SSPN: variants seen among roughly 807,000 people sequenced by gnomAD.
SSPN encodes the protein K-ras oncogene-associated protein.
SSPN carries 15 observed loss-of-function variants against 19.1 expected under a neutral mutation model. The observed-to-expected ratio is 0.78, with a 90% CI of 0.52 to 1.21. The LOEUF (loss-of-function observed/expected upper bound fraction) is 1.21. SSPN is among the 50% of genes most tolerant of loss of function. The probability of loss-of-function intolerance (pLI) is 0.00; values close to 1 mark genes in which losing one functional copy is unlikely to be tolerated. For missense variants in SSPN, 291 were observed against 314.0 expected (o/e 0.93, Z 0.55); for synonymous variants, 147 against 140.3 (o/e 1.05, Z -0.34).
chr12:26,228,918 G>C (rs1460075383), intron 2 of SSPN, among the ~76,000 whole-genome samples: 2 of 152,134 alleles, frequency 1.3e-5, no homozygotes, highest in Non-Finnish European at 2.9e-5. Flanking sequence ...GGCTGAGGTG[G>C]GAGGATCACT....
chr12:26,218,328 G>A (rs1173470814), intron 1 of SSPN, among the ~76,000 whole-genome samples: 2 of 8,886 alleles, frequency 2.3e-4, no homozygotes, highest in African/African-American at 8.0e-4. Context: ...GGGGTGGGGG[G>A]AGGGGGGAGG....
At chr12:26,181,451 A>T (rs772657561) in intron 1 of SSPN, among the ~76,000 whole-genome samples, 1 of 152,222 alleles carries the variant, frequency 6.6e-6, no homozygotes, top group African/African-American at 2.4e-5. Context: ...TCTTATTTTT[A>T]AGAACATGTA....
intron 2 of SSPN, among the ~76,000 whole-genome samples, chr12:26,230,508 T>C (rs549454761): frequency 5.6e-4 from 86 of 152,312 alleles, no homozygotes; most frequent in Non-Finnish European, 1.1e-3. Context: ...AGTGAAAATG[T>C]GATCAGGGTT....
chr12:26,150,496 G>A (rs955864946), intron 1 of SSPN, among the ~76,000 whole-genome samples: 1 of 152,128 alleles, frequency 6.6e-6, no homozygotes, highest in East Asian at 1.9e-4. Context: ...TCTTTGTCCT[G>A]TACATACAAT....
intron 1 of SSPN, among the ~76,000 whole-genome samples, chr12:26,133,065 T>C (rs1402154969): frequency 3.9e-5 from 6 of 152,196 alleles, no homozygotes; most frequent in African/African-American, 1.4e-4. Context: ...CAATGACCCA[T>C]AACCTCCAAC....
At chr12:26,133,697 A>AAGCT (rs1944409042) in intron 1 of SSPN, among the ~76,000 whole-genome samples, 1 of 152,226 alleles carries the variant, frequency 6.6e-6, no homozygotes, top group Non-Finnish European at 1.5e-5. Context: ...GCTTGTCCAG[A>AAGCT]AGCTACTGTA....
Position 26,195,642 on chromosome 12 carries a change from C to CGGGGGGGGG in SSPN, c.-31_-30insGGGGGGGGG. On this transcript the variant is annotated 5_prime_UTR_variant, in exon 1 of 3. Transcript: ENST00000242729. Reference sequence around the variant, plus strand: ...TCCAGGGCCCAGGGCGCCGCACACGCACCCACCCACCCACCCAGCCTCGCA... The same window carrying CGGGGGGGGG: ...TCCAGGGCCCAGGGCGCCGCACACGCGGGGGGGGGACCCACCCACCCACCCAGCCTCGCA... 1 of 907,524 alleles carries CGGGGGGGGG rather than the reference C, an allele frequency of 1.1e-6. No homozygotes were observed. Among genetic ancestry groups the CGGGGGGGGG allele is most frequent in the Non-Finnish European group, 1.4e-6 (1 of 720,070 alleles). The allele number at this position is 907,524 out of a possible 1,614,324, so 56.2% of individuals were successfully genotyped here. A position where few individuals can be genotyped will look rare whatever the true frequency, so the allele number is the denominator to read the frequency against.
rs1440800205 is a variant in SSPN at position 26,167,069 on chromosome 12, GTTAA to G, written c.-31+44922_-31+44925del. Among the ~76,000 whole-genome samples the G allele has an allele frequency of 3.9e-5, 6 of 152,300 alleles. No homozygotes were observed. The East Asian group carries it at 7.7e-4, about 20-fold the overall frequency. ...CAATATTGAAAAATAAAATAGTTAT[GTTAA>G]TTAAAGTGGAAAAATAAATCAGAGC... On this transcript the variant is annotated intron_variant, in intron 1 of 2. Coordinates refer to the SSPN transcript ENST00000538142.
intron 1 of SSPN, among the ~76,000 whole-genome samples, chr12:26,144,572 G>C (rs1040187226): frequency 6.6e-6 from 1 of 152,156 alleles, no homozygotes; most frequent in African/African-American, 2.4e-5. Flanking sequence ...CTCAAGAACA[G>C]AGCTCAGTTT....
At position 26,169,666 on chromosome 12, in the gene SSPN, G is replaced by T. The variant is rs374822275; in HGVS notation, c.-31+47514G>T. Among the ~76,000 whole-genome samples, 10 of 152,222 alleles carry T rather than the reference G, an allele frequency of 6.6e-5. No homozygotes were observed. In the East Asian group the frequency reaches 1.5e-3, roughly 23 times the overall value. ...CAGGCTATGGGGGTGGCTAATGAAGGAGAGAAGAGGATATGACATAGAGGA... is the reference window on the plus strand; with the variant it reads ...CAGGCTATGGGGGTGGCTAATGAAGTAGAGAAGAGGATATGACATAGAGGA... On this transcript the variant is annotated intron_variant, in intron 1 of 2. Coordinates refer to the SSPN transcript ENST00000538142.
intron 1 of SSPN, among the ~76,000 whole-genome samples, chr12:26,153,622 G>T (rs1410515371): frequency 6.6e-6 from 1 of 152,206 alleles, no homozygotes; most frequent in Non-Finnish European, 1.5e-5. Context: ...CTGAGCCTTG[G>T]TTTATTTTTA....
intron 1 of SSPN, among the ~76,000 whole-genome samples, chr12:26,133,060 A>C (rs1301137847): frequency 2.0e-5 from 3 of 152,146 alleles, no homozygotes; most frequent in Non-Finnish European, 2.9e-5. Flanking sequence ...CATTACAATG[A>C]CCCATAACCT....
chr12:26,162,589 A>G (rs778060241), intron 1 of SSPN, among the ~76,000 whole-genome samples: 6 of 152,210 alleles, frequency 3.9e-5, no homozygotes, highest in South Asian at 2.1e-4. Context: ...AACCGCTCCA[A>G]TATCATTTTC....
At position 26,231,913 on chromosome 12, in the gene SSPN, C is replaced by A; in HGVS notation, c.*837C>A. ...CAGAAGTCTATTTAATGAGCTCTGACTGTACTTACGCTGCACTGTCGGTGT... is the reference window on the plus strand; with the variant it reads ...CAGAAGTCTATTTAATGAGCTCTGAATGTACTTACGCTGCACTGTCGGTGT... On this transcript the variant is annotated 3_prime_UTR_variant, in exon 3 of 3. Transcript: ENST00000242729. The A allele has an allele frequency of 7.1e-6, 7 of 982,948 alleles. No homozygotes were observed. Among genetic ancestry groups the A allele is most frequent in the Non-Finnish European group, 8.5e-6 (7 of 827,710 alleles). 60.9% of individuals were successfully genotyped at this position (982,948 alleles called of 1,614,324 possible). A position where few individuals can be genotyped will look rare whatever the true frequency, so the allele number is the denominator to read the frequency against.
chr12:26,146,535 T>G (rs902924264), intron 1 of SSPN, among the ~76,000 whole-genome samples: 1 of 152,184 alleles, frequency 6.6e-6, no homozygotes, highest in Non-Finnish European at 1.5e-5. Flanking sequence ...ACACCACAAC[T>G]GGGACTCAAC....
chr12:26,181,730 A>G (rs1944719645), intron 1 of SSPN, among the ~76,000 whole-genome samples: 1 of 152,260 alleles, frequency 6.6e-6, no homozygotes, highest in African/African-American at 2.4e-5. Flanking sequence ...GACAGAAACC[A>G]GTAAACTAAA....
intron 1 of SSPN, among the ~76,000 whole-genome samples, chr12:26,137,343 C>A (rs1207963746): frequency 2.6e-5 from 4 of 152,092 alleles, no homozygotes; most frequent in Admixed American, 1.3e-4. Context: ...TTTCTATTTA[C>A]CTCCATGATT....
intron 1 of SSPN, among the ~76,000 whole-genome samples, chr12:26,179,262 C>G (rs1189903473): frequency 6.6e-6 from 1 of 152,072 alleles, no homozygotes; most frequent in East Asian, 1.9e-4. Context: ...TGAAAGGATC[C>G]TAGTGTGGCT....
intron 1 of SSPN, among the ~76,000 whole-genome samples, chr12:26,216,344 A>C (rs1032698424): frequency 6.6e-6 from 1 of 152,040 alleles, no homozygotes; most frequent in African/African-American, 2.4e-5. Flanking sequence ...GCATTTTTTC[A>C]TGTGTTTTTT....
Sources: gnomAD v4.1 joint callset for allele counts (sites outside exome capture counted in the v4.1 genomes callset) on GRCh38, gnomAD v4.1.1 for gene constraint, MANE v1.5 for transcripts, NCBI Gene and HGNC (gene_info 2026-07-23, HGNC 2026-07-21) for gene names.